CCSER1: variants seen among roughly 807,000 people sequenced by gnomAD.
CCSER1 encodes the protein serine-rich coiled-coil domain-containing protein 1.
Under a neutral mutation model 82.0 loss-of-function variants are expected in CCSER1, and 41 were observed. That is an observed-to-expected ratio of 0.50 (90% CI 0.39 to 0.65). The LOEUF is 0.65. CCSER1 is among the 30% of genes least tolerant of loss of function. The pLI is 0.00. For synonymous variants in CCSER1, 414 were observed against 383.9 expected (o/e 1.08, Z -0.92); for missense variants, 1,119 against 1,064.2 (o/e 1.05, Z -0.72).
At chr4:90,521,958 T>A (rs953237547) in intron 5 of CCSER1, among the ~76,000 whole-genome samples, 2 of 152,156 alleles carry the variant, frequency 1.3e-5, no homozygotes, top group African/African-American at 4.8e-5. Context: ...CATTGATCTG[T>A]TTTCTCATTT....
chr4:91,311,736 A>G (rs781009038), intron 10 of CCSER1, among the ~76,000 whole-genome samples: 1 of 151,984 alleles, frequency 6.6e-6, no homozygotes, highest in Non-Finnish European at 1.5e-5. Context: ...CATGTGATGA[A>G]TTTAGCTTAC....
chr4:90,325,310 A>G (rs1197053419), intron 3 of CCSER1, among the ~76,000 whole-genome samples: 1 of 152,238 alleles, frequency 6.6e-6, no homozygotes, highest in Admixed American at 6.5e-5. Context: ...TATTAAGAAA[A>G]TAATTTAAAA....
At chr4:90,158,726 C>G (rs1454223738) in intron 1 of CCSER1, among the ~76,000 whole-genome samples, 10 of 152,156 alleles carry the variant, frequency 6.6e-5, no homozygotes, top group Admixed American at 1.3e-4. Context: ...TTAAGCCTGT[C>G]AGAAAAGCGC....
chr4:91,453,070 T>C (rs896250862), intron 10 of CCSER1, among the ~76,000 whole-genome samples: 21 of 152,106 alleles, frequency 1.4e-4, no homozygotes, highest in Non-Finnish European at 2.9e-4. Flanking sequence ...AATTGTCTAA[T>C]TTATTTAACT....
intron 1 of CCSER1, among the ~76,000 whole-genome samples, chr4:90,137,695 T>G (rs1246131761): frequency 6.6e-6 from 1 of 152,238 alleles, no homozygotes; most frequent in Non-Finnish European, 1.5e-5. Context: ...AATTCCAATC[T>G]GCTAGCCATC....
At chr4:91,037,263 TAC>T (rs367578501) in intron 9 of CCSER1, among the ~76,000 whole-genome samples, 5 of 141,134 alleles carry the variant, frequency 3.5e-5, no homozygotes, top group Admixed American at 7.0e-5. Context: ...CACACATACA[TAC>T]ACACACACAC....
At chr4:90,930,908 T>TTTTA (rs1554045592) in intron 9 of CCSER1, among the ~76,000 whole-genome samples, 3 of 69,132 alleles carry the variant, frequency 4.3e-5, no homozygotes, top group African/African-American at 8.2e-5. Context: ...TTTATCCTTA[T>TTTTA]TTTATATATA....
rs186612046 is a variant in CCSER1, at chr4:90,662,610, G to A, written c.1932+34378G>A. 3.4e-3 allele frequency among the ~76,000 whole-genome samples: 521 copies of A among 151,846 alleles called. 2 individuals are homozygous for A. The highest frequency in any genetic ancestry group is 0.012 in the African/African-American group (488 of 41,400). ...CTGATTGGATTATTTATTCATTTGG[G>A]GAAATCTTATACATTGTACAATATC... is the stretch of plus-strand genomic sequence containing the variant. On this transcript the variant is annotated intron_variant, in intron 6 of 10. Transcript: ENST00000509176.
intron 9 of CCSER1, among the ~76,000 whole-genome samples, chr4:91,010,308 A>T (rs1239273590): frequency 1.3e-5 from 2 of 152,096 alleles, no homozygotes; most frequent in Non-Finnish European, 1.5e-5. Flanking sequence ...TATGCATCCG[A>T]CTTGATGTGT....
chr4:90,569,007 A>ATCCACCTGCCTTGGCC (rs201700212), intron 5 of CCSER1, among the ~76,000 whole-genome samples: 9,706 of 151,754 alleles, frequency 0.064, 826 homozygotes, highest in African/African-American at 0.19. Flanking sequence ...ACCTCAGGTG[A>ATCCACCTGCCTTGGCC]TCCCAAAGTG....
At chr4:91,041,315 A>G (rs1332329186) in intron 9 of CCSER1, among the ~76,000 whole-genome samples, 3 of 152,158 alleles carry the variant, frequency 2.0e-5, no homozygotes, top group Non-Finnish European at 4.4e-5. Context: ...TCTCCCACAC[A>G]TTATCCATTT....
intron 8 of CCSER1, among the ~76,000 whole-genome samples, chr4:90,897,533 C>T (rs965761791): frequency 6.6e-6 from 1 of 152,004 alleles, no homozygotes; most frequent in Non-Finnish European, 1.5e-5. Flanking sequence ...TTACCCAATT[C>T]TTGTTTGATA....
At chr4:90,382,842 C>A (rs755102376) in intron 3 of CCSER1, among the ~76,000 whole-genome samples, 2 of 151,390 alleles carry the variant, frequency 1.3e-5, no homozygotes, top group Non-Finnish European at 2.9e-5. Flanking sequence ...AAAAATGTTA[C>A]ATTTTATGTG....
chr4:90,657,875 G>T (rs1729992527), intron 6 of CCSER1, among the ~76,000 whole-genome samples: 1 of 152,164 alleles, frequency 6.6e-6, no homozygotes, highest in Non-Finnish European at 1.5e-5. Context: ...AGGCCCAGGA[G>T]GGTGGATTGC....
intron 6 of CCSER1, among the ~76,000 whole-genome samples, chr4:90,644,587 C>T (rs1354985631): frequency 2.0e-5 from 3 of 151,980 alleles, no homozygotes; most frequent in Non-Finnish European, 4.4e-5. Flanking sequence ...TATTAAGCTC[C>T]ACGTGCATTG....
chr4:90,879,958 T>A (rs1721046642), intron 8 of CCSER1, among the ~76,000 whole-genome samples: 1 of 148,570 alleles, frequency 6.7e-6, no homozygotes, highest in South Asian at 2.1e-4. Flanking sequence ...TTGAAGCTGA[T>A]TTTTTGTCTC....
intron 8 of CCSER1, among the ~76,000 whole-genome samples, chr4:90,823,646 T>G (rs1043236202): frequency 6.6e-6 from 1 of 152,004 alleles, no homozygotes; most frequent in African/African-American, 2.4e-5. Flanking sequence ...GTGTGAACCG[T>G]GAGCTCTCTA....
At chr4:91,079,484 C>T (rs1224407501) in intron 9 of CCSER1, among the ~76,000 whole-genome samples, 2 of 151,826 alleles carry the variant, frequency 1.3e-5, no homozygotes, top group Non-Finnish European at 2.9e-5. Flanking sequence ...CAAATAAGGC[C>T]ATCAATACTA....
intron 10 of CCSER1, among the ~76,000 whole-genome samples, chr4:91,590,101 G>C (rs903361595): frequency 2.6e-5 from 4 of 152,068 alleles, no homozygotes; most frequent in Admixed American, 2.0e-4. Flanking sequence ...TTACTCTCTT[G>C]GGAGCTCTGC....
Sources: gnomAD v4.1 joint callset for allele counts (sites outside exome capture counted in the v4.1 genomes callset) on GRCh38, gnomAD v4.1.1 for gene constraint, MANE v1.5 for transcripts, NCBI Gene and HGNC (gene_info 2026-07-23, HGNC 2026-07-21) for gene names.